Variants in GALK2 observed in about 807,000 individuals in gnomAD.
GALK2 encodes the protein N-acetylgalactosamine kinase.
Under a neutral mutation model 52.4 loss-of-function variants are expected in GALK2, and 36 were observed. The ratio of observed to expected loss-of-function variants is 0.69; its 90% CI spans 0.53 to 0.91. GALK2 has a LOEUF of 0.91. Ranked by LOEUF, GALK2 falls within the 40% of genes least tolerant of loss-of-function variation. The probability of loss-of-function intolerance (pLI) is 0.00; values close to 1 mark genes in which losing one functional copy is unlikely to be tolerated. For missense variants in GALK2, 579 were observed against 559.1 expected, an observed-to-expected ratio of 1.04 and a Z score of -0.36; for synonymous variants, 176 against 199.1, an observed-to-expected ratio of 0.88 and a Z score of 0.98.
intron 1 of GALK2, among the ~76,000 whole-genome samples, chr15:49,173,778 C>T (rs1478427059): frequency 2.0e-5 from 3 of 152,020 alleles, no homozygotes; most frequent in Non-Finnish European, 4.4e-5. Context: ...GACAGAGTCT[C>T]GCTCTGTTGG....
intron 2 of GALK2, among the ~76,000 whole-genome samples, chr15:49,206,645 G>A (rs1025309455): frequency 1.2e-4 from 18 of 151,828 alleles, no homozygotes; most frequent in African/African-American, 3.6e-4. Context: ...TTCTCTGGTC[G>A]CTGTTGGTAT....
chr15:49,243,109 A>G (rs1286128887), intron 5 of GALK2, among the ~76,000 whole-genome samples: 1 of 152,164 alleles, frequency 6.6e-6, no homozygotes, highest in African/African-American at 2.4e-5. Context: ...AGGCTTAGGA[A>G]GAAAGCAGGG....
At chr15:49,225,107 T>G in intron 3 of GALK2, 1 of 425,704 alleles carries the variant, frequency 2.3e-6, no homozygotes, top group South Asian at 1.7e-5. Flanking sequence ...TATAGTGGGG[T>G]AGGGGGAGAC....
chr15:49,347,838 G>T (rs1409699201), intron 3 of GALK2, among the ~76,000 whole-genome samples: 1 of 152,002 alleles, frequency 6.6e-6, no homozygotes, highest in Non-Finnish European at 1.5e-5. Context: ...GGCCAACATG[G>T]TGAAACCCCG....
At position 49,356,164 on chromosome 15, in the gene GALK2, A is replaced by G. The variant is rs564848783; in HGVS notation, c.427-11327A>G. 4.6e-3 allele frequency among the ~76,000 whole-genome samples: 696 copies of G among 152,326 alleles called. 4 individuals carry two copies. The highest frequency in any genetic ancestry group is 7.0e-3 in the Non-Finnish European group (479 of 68,034). On this transcript the variant is annotated intron_variant, in intron 3 of 3. Transcript: ENST00000558399. ...CCAAAATGTAAAGACCATCGAGACT[A>G]GGAAGAAACTGCATCAACTAACGAG...
At chr15:49,281,957 C>T (rs769586370) in intron 5 of GALK2, 30 bp from the exon 6 acceptor site, 10 of 1,510,764 alleles carry the variant, frequency 6.6e-6, no homozygotes, top group Admixed American at 1.7e-5. Flanking sequence ...TATGACTACT[C>T]ACAGTACAAA....
intron 5 of GALK2, among the ~76,000 whole-genome samples, chr15:49,260,809 T>G (rs1272137718): frequency 6.6e-6 from 1 of 152,168 alleles, no homozygotes; most frequent in Non-Finnish European, 1.5e-5. Flanking sequence ...CCCAGCACCA[T>G]TTATTAAATA....
intron 6 of GALK2, 145 bp downstream of exon 6, chr15:49,282,230 C>G (rs989254589): frequency 2.3e-5 from 12 of 514,768 alleles, no homozygotes; most frequent in Non-Finnish European, 3.4e-6. Context: ...TTCCCAACTG[C>G]TTGTAACTCA....
intron 3 of GALK2, among the ~76,000 whole-genome samples, chr15:49,362,971 C>G (rs1235026694): frequency 6.6e-6 from 1 of 152,092 alleles, no homozygotes; most frequent in Non-Finnish European, 1.5e-5. Context: ...TCTTCTGTTC[C>G]ATACGTCTTT....
At chr15:49,255,759 A>G (rs979760742) in intron 5 of GALK2, among the ~76,000 whole-genome samples, 9 of 152,146 alleles carry the variant, frequency 5.9e-5, no homozygotes, top group African/African-American at 1.9e-4. Context: ...TTAAAAGTGT[A>G]TTAAAAGTGA....
intron 5 of GALK2, among the ~76,000 whole-genome samples, chr15:49,250,036 G>T (rs2091521567): frequency 1.3e-5 from 2 of 152,182 alleles, no homozygotes; most frequent in South Asian, 4.1e-4. Flanking sequence ...TAGCAGTAGG[G>T]TGGACGCGTC....
At chr15:49,294,390 A>G (rs1457123733) in intron 8 of GALK2, among the ~76,000 whole-genome samples, 1 of 152,178 alleles carries the variant, frequency 6.6e-6, no homozygotes, top group African/African-American at 2.4e-5. Context: ...AATAATGTAC[A>G]TAGTAGAGAA....
intron 3 of GALK2, chr15:49,353,475 A>G (rs1567130918): frequency 6.6e-6 from 1 of 152,182 alleles, no homozygotes; most frequent in Non-Finnish European, 1.5e-5. Flanking sequence ...TTAGGCCTGT[A>G]TGTTTTGAAC....
intron 5 of GALK2, among the ~76,000 whole-genome samples, chr15:49,281,475 G>A (rs554603853): frequency 6.6e-6 from 1 of 152,328 alleles, no homozygotes; most frequent in African/African-American, 2.4e-5. Context: ...GGAGGAAGAT[G>A]AGCCTGATGA....
intron 8 of GALK2, among the ~76,000 whole-genome samples, chr15:49,312,070 C>A (rs934169675): frequency 7.9e-5 from 12 of 152,160 alleles, no homozygotes; most frequent in Non-Finnish European, 1.6e-4. Flanking sequence ...GATTACTGCT[C>A]CCTGCATCCA....
intron 1 of GALK2, among the ~76,000 whole-genome samples, chr15:49,172,008 A>G (rs1413518932): frequency 6.6e-6 from 1 of 152,112 alleles, no homozygotes; most frequent in East Asian, 1.9e-4. Context: ...TGTGACCTCA[A>G]GTGATCCGCC....
intron 3 of GALK2, among the ~76,000 whole-genome samples, chr15:49,353,096 C>G (rs1287673218): frequency 1.3e-5 from 2 of 152,162 alleles, no homozygotes; most frequent in Non-Finnish European, 2.9e-5. Context: ...AGAACGTCAT[C>G]ATTTCAGGGA....
At chr15:49,258,829 TGAGA>T (rs1200292800) in intron 5 of GALK2, among the ~76,000 whole-genome samples, 33 of 124,112 alleles carry the variant, frequency 2.7e-4, no homozygotes, top group South Asian at 1.1e-3. Context: ...TGTGTGTGTG[TGAGA>T]GAGAGAGAGA....
At chr15:49,278,680 G>A (rs571575896) in intron 5 of GALK2, among the ~76,000 whole-genome samples, 58 of 152,306 alleles carry the variant, frequency 3.8e-4, no homozygotes, top group Admixed American at 2.0e-4. Context: ...GCTGGAGTCA[G>A]ATCATTTGAG....
Sources: allele counts gnomAD v4.1 joint callset (sites outside exome capture counted in the v4.1 genomes callset), GRCh38; gene constraint gnomAD v4.1.1; transcripts MANE v1.5; gene names NCBI Gene and HGNC (gene_info 2026-07-23, HGNC 2026-07-21).